Variants in BMP2K observed in about 807,000 individuals in gnomAD.
The protein encoded by BMP2K is BMP2 inducible kinase.
Under a neutral mutation model 116.0 loss-of-function variants are expected in BMP2K, and 74 were observed. That is an observed-to-expected ratio of 0.64 (90% CI 0.53 to 0.77). BMP2K has a LOEUF of 0.77. BMP2K is among the 30% of genes least tolerant of loss of function. The pLI, the probability that BMP2K is intolerant of heterozygous loss-of-function variation, is 0.00. For missense variants in BMP2K, 1,365 were observed against 1,403.6 expected, an observed-to-expected ratio of 0.97 and a Z score of 0.44; for synonymous variants, 486 against 502.5, an observed-to-expected ratio of 0.97 and a Z score of 0.44.
At chr4:78,803,008 C>T (rs1241438463) in intron 1 of BMP2K, among the ~76,000 whole-genome samples, 1 of 152,008 alleles carries the variant, frequency 6.6e-6, no homozygotes, top group Non-Finnish European at 1.5e-5. Flanking sequence ...TGCCACCACG[C>T]CCAGCTAATT....
At position 78,914,634 on chromosome 4, in the gene BMP2K, TC is replaced by T. The variant is rs1295232728; in HGVS notation, c.*2602del. On this transcript the variant is annotated 3_prime_UTR_variant, in exon 16 of 16. Transcript: ENST00000502613. ...TAACACAGTACCTGGCACACAGCACTCAATAAAAGTTTGGCTCTATTATGGG... is the reference window on the plus strand; with the variant it reads ...TAACACAGTACCTGGCACACAGCACTAATAAAAGTTTGGCTCTATTATGGG... The T allele has an allele frequency of 1.3e-5, 2 of 151,834 alleles. No homozygotes were observed. Among genetic ancestry groups the T allele is most frequent in the African/African-American group, 4.8e-5 (2 of 41,366 alleles). The allele number at this position is 151,834 out of a possible 1,614,324, so 9.4% of individuals were successfully genotyped here. A position where few individuals can be genotyped will look rare whatever the true frequency, so the allele number is the denominator to read the frequency against.
Position 78,861,462 on chromosome 4 carries a change from A to C in BMP2K, c.1061A>C (p.Lys354Thr). 6.2e-7 allele frequency: 1 copy of C among 1,607,640 alleles called. No homozygotes were observed. Among genetic ancestry groups the C allele is most frequent in the South Asian group, 1.1e-5 (1 of 90,528 alleles). The change falls in exon 9 of 16, where the codon AAA becomes ACA. Residue 354 changes from lysine (K) to threonine (T), a missense_variant. Lys to Thr is a moderately conservative substitution (Grantham distance 78). Around this residue, in one of 3 missense-constraint regions of BMP2K, gnomAD observed 762 missense variants for 756.7 expected, o/e 1.01. Coordinates refer to ENST00000502613, the MANE Select transcript of BMP2K (RefSeq NM_198892.2). ...SEAAARKSQI[K>T]ARITDTIGPT... ...GCAGCTGCTAGGAAAAGCCAAATAA[A>C]AGCCAGGTAGGCAAAACTATGCTGA...
intron 7 of BMP2K, among the ~76,000 whole-genome samples, chr4:78,858,772 A>G (rs1016239451): frequency 1.6e-4 from 19 of 122,394 alleles, no homozygotes; most frequent in Admixed American, 1.4e-3. Flanking sequence ...TTTAAACATT[A>G]TAACAACTTA....
intron 1 of BMP2K, among the ~76,000 whole-genome samples, chr4:78,797,557 C>T (rs1322174970): frequency 6.6e-6 from 1 of 152,066 alleles, no homozygotes; most frequent in African/African-American, 2.4e-5. Flanking sequence ...TTTTGGTTGG[C>T]ATTGTATGAA....
chr4:78,843,813 C>G (rs1330383020), intron 4 of BMP2K, among the ~76,000 whole-genome samples: 1 of 151,770 alleles, frequency 6.6e-6, no homozygotes, highest in South Asian at 2.1e-4. Context: ...TTTTTGCATG[C>G]AAAGTTGATA....
Position 78,842,379 on chromosome 4 carries a change from G to T in BMP2K, c.404-6G>T. On this transcript the variant is annotated splice_region_variant and splice_polypyrimidine_tract_variant and intron_variant, in intron 3 of 15. Transcript: ENST00000502613. ...TATGTCCTCTCAAAATTACTTTTTT[G>T]GTTAGCTGGACAGGTAGTGAATCAA... 3 of 1,568,148 alleles carry T rather than the reference G, an allele frequency of 1.9e-6. No homozygotes were observed. Among genetic ancestry groups the T allele is most frequent in the South Asian group, 1.2e-5 (1 of 85,026 alleles).
intron 3 of BMP2K, among the ~76,000 whole-genome samples, chr4:78,837,171 T>C (rs537586183): frequency 1.3e-5 from 2 of 152,118 alleles, no homozygotes; most frequent in South Asian, 2.1e-4. Flanking sequence ...TCTATTATAT[T>C]ATTTTTAATT....
chr4:78,877,730 G>A (rs938255030), intron 13 of BMP2K, among the ~76,000 whole-genome samples: 2 of 152,174 alleles, frequency 1.3e-5, no homozygotes, highest in Admixed American at 6.5e-5. Flanking sequence ...AATATGCACT[G>A]TACACAATTG....
intron 15 of BMP2K, among the ~76,000 whole-genome samples, chr4:78,905,158 C>T (rs1219114433): frequency 6.6e-6 from 1 of 151,452 alleles, no homozygotes; most frequent in Admixed American, 6.6e-5. Flanking sequence ...ATTGATTAAC[C>T]CTTTCGTTAA....
At chr4:78,860,316 T>C (rs1420114422) in intron 8 of BMP2K, among the ~76,000 whole-genome samples, 1 of 151,888 alleles carries the variant, frequency 6.6e-6, no homozygotes, top group Admixed American at 6.6e-5. Flanking sequence ...GCTGCACTTG[T>C]ATCCCCTAAA....
At chr4:78,792,055 C>T (rs906488810) in intron 1 of BMP2K, among the ~76,000 whole-genome samples, 5 of 152,178 alleles carry the variant, frequency 3.3e-5, no homozygotes, top group African/African-American at 9.7e-5. Flanking sequence ...ATTTTACATT[C>T]CCAACAGCAT....
At chr4:78,811,054 A>G (rs987282662) in intron 1 of BMP2K, among the ~76,000 whole-genome samples, 3 of 152,162 alleles carry the variant, frequency 2.0e-5, no homozygotes, top group Non-Finnish European at 4.4e-5. Context: ...TCACATATTA[A>G]TACTACTTTT....
chr4:78,866,411 A>G (rs1732051998), intron 10 of BMP2K, among the ~76,000 whole-genome samples: 1 of 152,140 alleles, frequency 6.6e-6, no homozygotes, highest in Non-Finnish European at 1.5e-5. Context: ...GGATACCCTA[A>G]TGGTTAAGAG....
chr4:78,782,280 T>C (rs1208178338), intron 1 of BMP2K, among the ~76,000 whole-genome samples: 1 of 152,222 alleles, frequency 6.6e-6, no homozygotes, highest in Non-Finnish European at 1.5e-5. Context: ...GATGGAATTA[T>C]GTAAGCACCT....
At chr4:78,910,378 AG>A (rs2110109051) in intron 15 of BMP2K, among the ~76,000 whole-genome samples, 1 of 152,336 alleles carries the variant, frequency 6.6e-6, no homozygotes, top group Admixed American at 6.5e-5. Flanking sequence ...ACGATGAGGC[AG>A]GGTGTAGGGT....
At chr4:78,818,809 C>G (rs865878972) in intron 1 of BMP2K, among the ~76,000 whole-genome samples, 1 of 57,626 alleles carries the variant, frequency 1.7e-5, no homozygotes, top group Non-Finnish European at 3.6e-5. Context: ...TTTTTTTTTT[C>G]TTCCTGAGAC....
rs1243760371 is a variant in BMP2K at position 78,911,768 on chromosome 4, T to C, written c.3221T>C (p.Phe1074Ser). The change falls in exon 16 of 16, where the codon TTC (phenylalanine) becomes TCC (serine). Residue 1074 changes from phenylalanine to serine, a missense_variant. Phe to Ser is a radical substitution (Grantham distance 155, BLOSUM62 -2). This residue lies in a region of BMP2K where 596 missense variants were observed against 623.2 expected (regional missense o/e 0.96). Coordinates refer to ENST00000502613, the MANE Select transcript of BMP2K (RefSeq NM_198892.2). ...TTGGACCCCTTCGGTGCCAAGCCCT[T>C]CCATTCTCCAGACCTGTCATGGCAC... is the stretch of plus-strand genomic sequence containing the variant. ...SLLDPFGAKP[F>S]HSPDLSWHPP... The C allele has an allele frequency of 6.2e-7, 1 of 1,614,000 alleles. No individual in the cohort carries two copies. The highest frequency in any genetic ancestry group is 1.7e-5 in the Admixed American group (1 of 60,026).
At chr4:78,791,785 C>T (rs1454252147) in intron 1 of BMP2K, among the ~76,000 whole-genome samples, 2 of 152,174 alleles carry the variant, frequency 1.3e-5, no homozygotes, top group East Asian at 3.8e-4. Flanking sequence ...ATCAGAATTT[C>T]ATTCCTTTTT....
At chr4:78,892,976 T>C (rs1733520881) in intron 15 of BMP2K, among the ~76,000 whole-genome samples, 1 of 152,198 alleles carries the variant, frequency 6.6e-6, no homozygotes, top group African/African-American at 2.4e-5. Context: ...TTTCTTAAAA[T>C]AAGACAATGA....
Sources: allele counts gnomAD v4.1 joint callset (sites outside exome capture counted in the v4.1 genomes callset), GRCh38; gene constraint gnomAD v4.1.1; regional missense constraint gnomAD v4.1.1; transcripts MANE v1.5; gene names NCBI Gene and HGNC (gene_info 2026-07-23, HGNC 2026-07-21).